The following TUBGCP2 variants were observed in gnomAD, a reference collection of about 807,000 sequenced individuals.
The protein encoded by TUBGCP2 is tubulin gamma complex component 2.
TUBGCP2 carries 55 observed loss-of-function variants against 92.2 expected under a neutral mutation model. The ratio of observed to expected loss-of-function variants is 0.60; its 90% CI spans 0.48 to 0.75. The LOEUF is 0.75. Ranked by LOEUF, TUBGCP2 falls within the 30% of genes least tolerant of loss-of-function variation. The pLI is 0.00. For synonymous variants in TUBGCP2, 533 were observed against 505.2 expected (o/e 1.06, Z -0.74); for missense variants, 1,093 against 1,188.9 (o/e 0.92, Z 1.19).
chr10:133,281,564 T>A, intron 16 of TUBGCP2, 128 bp from the exon 17 acceptor site: 1 of 1,235,760 alleles, frequency 8.1e-7, no homozygotes. Context: ...ATGGGTTCCA[T>A]GATGTTTTCA....
chr10:133,307,260 G>A (rs190217916), intron 1 of TUBGCP2, among the ~76,000 whole-genome samples: 52 of 152,276 alleles, frequency 3.4e-4, no homozygotes, highest in African/African-American at 1.1e-3. Flanking sequence ...AGGGACTGAC[G>A]TCCTCCTCAC....
chr10:133,302,869 C>T lies in TUBGCP2; in HGVS notation c.73G>A (p.Ala25Thr). The T allele has an allele frequency of 6.2e-7, 1 of 1,613,984 alleles. No individual in the cohort carries two copies. Among genetic ancestry groups the T allele is most frequent in the African/African-American group, 1.3e-5 (1 of 75,048 alleles). ...SLLRVHGGDG[A>T]EVYIDLLQKN... The stretch of plus-strand genomic sequence containing the variant: ...TGAAGCAGGTCAATGTAGACCTCAG[C>T]CCCATCTCCTCCGTGGACACGCAGC... Residue 25 changes from alanine (A) to threonine (T), a missense_variant, in exon 2 of 18, where the codon GCT becomes ACT. Ala to Thr is a moderately conservative substitution (Grantham distance 58). Transcript: ENST00000252936.
At position 133,293,068 on chromosome 10, in the gene TUBGCP2, A is replaced by G. The variant is rs1055052616; in HGVS notation, c.995T>C (p.Met332Thr). ...GGAGGCCAGGATGTCCATGGTGCGCATGGCTGGCTGGATGTAGAACCAGAG... is the reference window on the plus strand; with the variant it reads ...GGAGGCCAGGATGTCCATGGTGCGCGTGGCTGGCTGGATGTAGAACCAGAG... ...QKLWFYIQPA[M>T]RTMDILASLA... Residue 332 changes from methionine (M) to threonine (T), a missense_variant, in exon 7 of 18, where the codon ATG (methionine) becomes ACG (threonine). By Grantham distance (81) the Met-to-Thr change is moderately conservative. This residue lies in a region of TUBGCP2 where 490 missense variants were observed against 488.5 expected (regional missense o/e 1.00). Coordinates refer to ENST00000252936, the MANE Select transcript of TUBGCP2 (RefSeq NM_006659.4). 6.8e-6 allele frequency: 11 copies of G among 1,613,440 alleles called. No homozygotes were observed. The highest frequency in any genetic ancestry group is 6.7e-5 in the African/African-American group (5 of 74,916).
upstream of TUBGCP2, chr10:133,310,396 C>T (rs1247687421): frequency 9.3e-6 from 13 of 1,401,098 alleles, no homozygotes; most frequent in East Asian, 2.8e-4. Flanking sequence ...TGTGTGTCAC[C>T]TAATGGGGTG....
intron 1 of TUBGCP2, among the ~76,000 whole-genome samples, chr10:133,305,113 A>G (rs1417761284): frequency 1.3e-5 from 2 of 152,126 alleles, no homozygotes; most frequent in East Asian, 1.9e-4. Flanking sequence ...AGTTATCCGG[A>G]GGCCTGACTG....
intron 1 of TUBGCP2, among the ~76,000 whole-genome samples, chr10:133,305,056 C>T (rs906111068): frequency 2.6e-5 from 4 of 152,098 alleles, no homozygotes; most frequent in South Asian, 2.1e-4. Flanking sequence ...GAAGACTCTA[C>T]GCCTCCAACT....
rs780277694 is a variant in TUBGCP2 at position 133,282,176 on chromosome 10, A to G, written c.2409+47T>C. 43 of 1,609,510 alleles carry G rather than the reference A, an allele frequency of 2.7e-5. No individual in the cohort carries two copies. In the South Asian group the frequency reaches 4.3e-4, roughly 16 times the overall value. On this transcript the variant is annotated intron_variant, in intron 16 of 17. Transcript: ENST00000252936. ...CGTCAGGATGCCCAGGCTGCCGCCC[A>G]GCCGGGAGGAAGCGTCTCTCTCTGG...
At chr10:133,289,356 CT>C (rs1847214080) in intron 9 of TUBGCP2, among the ~76,000 whole-genome samples, 1 of 152,198 alleles carries the variant, frequency 6.6e-6, no homozygotes, top group Admixed American at 6.5e-5. Flanking sequence ...AACCGGATGG[CT>C]AATCGCTTCC....
At chr10:133,292,838 T>G (rs1324870156) in intron 7 of TUBGCP2, 150 bp from the exon 8 acceptor site, 10 of 1,159,420 alleles carry the variant, frequency 8.6e-6, no homozygotes, top group Admixed American at 2.6e-5. Flanking sequence ...AGGTTGTAGT[T>G]GCTGATTTCA....
At chr10:133,289,184 A>C (rs1847210052) in intron 9 of TUBGCP2, among the ~76,000 whole-genome samples, 164 bp from the exon 10 acceptor site, 1 of 152,136 alleles carries the variant, frequency 6.6e-6, no homozygotes, top group South Asian at 2.1e-4. Context: ...AGTGGAATGG[A>C]AACTGGGCTG....
At chr10:133,304,770 C>T (rs1011539058) in intron 1 of TUBGCP2, among the ~76,000 whole-genome samples, 4 of 152,106 alleles carry the variant, frequency 2.6e-5, no homozygotes, top group Admixed American at 1.3e-4. Context: ...TATAATAATC[C>T]TTGCTCTACA....
chr10:133,297,054 C>T (rs1847504512), intron 5 of TUBGCP2, among the ~76,000 whole-genome samples: 1 of 152,156 alleles, frequency 6.6e-6, no homozygotes, highest in South Asian at 2.1e-4. Flanking sequence ...GGGGATGGGG[C>T]AAGATAAGCA....
In TUBGCP2 at chr10:133,308,204, G is replaced by A. The variant is rs1264458015; in HGVS notation, c.-40+619C>T. On this transcript the variant is annotated intron_variant, in intron 1 of 17. Transcript: ENST00000252936. ...GTGTTGTCATTCACCATTTTAATTA[G>A]GTGACTCTTTACTCTGACGTCTGTC... is the stretch of plus-strand genomic sequence containing the variant. Among the ~76,000 whole-genome samples, 5 of 152,122 alleles carry A rather than the reference G, an allele frequency of 3.3e-5. No homozygotes were observed. The South Asian group carries it at 1.0e-3, about 32-fold the overall frequency.
upstream of TUBGCP2, chr10:133,309,842 G>C: frequency 6.2e-7 from 1 of 1,613,788 alleles, no homozygotes; most frequent in African/African-American, 1.3e-5. Flanking sequence ...ACGACTACGA[G>C]CACCACTACC....
At position 133,299,500 on chromosome 10, in the gene TUBGCP2, T is replaced by C. The variant is rs1847580702; in HGVS notation, c.383A>G (p.Lys128Arg). The C allele has an allele frequency of 5.0e-6, 8 of 1,613,422 alleles. No individual in the cohort carries two copies. Among genetic ancestry groups the C allele is most frequent in the Non-Finnish European group, 6.8e-6 (8 of 1,179,972 alleles). Residue 128 changes from lysine (K) to arginine (R), a missense_variant, in exon 4 of 18, where the codon AAG becomes AGG. This residue lies in a region of TUBGCP2 where 490 missense variants were observed against 488.5 expected (regional missense o/e 1.00). Transcript: ENST00000252936. ...TSINVPAAAS[K>R]ISMQELEELR... ...TTCCTCAAGCTCCTGCATGGAGATC[T>C]TGGAGGCCGCGGCAGGGACGTTGAT...
chr10:133,312,213 A>C, upstream of TUBGCP2: 2 of 1,395,862 alleles, frequency 1.4e-6, no homozygotes, highest in Non-Finnish European at 1.9e-6. Context: ...CTGCGTTTCT[A>C]GCGTCACCTG....
Position 133,283,107 on chromosome 10 carries a change from C to G in TUBGCP2, c.2260G>C (p.Val754Leu), listed in dbSNP as rs757444650. The G allele has an allele frequency of 6.2e-7, 1 of 1,614,232 alleles. No homozygotes were observed. Among genetic ancestry groups the G allele is most frequent in the South Asian group, 1.1e-5 (1 of 91,088 alleles). Reference sequence around the variant, plus strand: ...ATGCAGTTGGTGAACATGACGCACACAGACATGAGCTTGGAGAAGACCTTC... The same window carrying G: ...ATGCAGTTGGTGAACATGACGCACAGAGACATGAGCTTGGAGAAGACCTTC... ...LLKVFSKLMS[V>L]CVMFTNCMQK... Residue 754 changes from valine (V) to leucine (L), a missense_variant, in exon 15 of 18, where the codon GTG (valine) becomes CTG (leucine). Physicochemically the swap from Val to Leu is conservative, Grantham distance 32. This residue lies in a region of TUBGCP2 where 598 missense variants were observed against 675.5 expected (regional missense o/e 0.89). Coordinates refer to ENST00000252936, the MANE Select transcript of TUBGCP2 (RefSeq NM_006659.4).
Position 133,299,444 on chromosome 10 carries a change from C to G in TUBGCP2, c.439G>C (p.Gly147Arg). Residue 147 changes from glycine (G) to arginine (R), a missense_variant, in exon 4 of 18, where the codon GGC becomes CGC. Gly to Arg is a moderately radical substitution (Grantham distance 125). This residue lies in a region of TUBGCP2 where 490 missense variants were observed against 488.5 expected (regional missense o/e 1.00). Coordinates refer to ENST00000252936, the MANE Select transcript of TUBGCP2 (RefSeq NM_006659.4). ...LRKQLGSVAT[G>R]STLQQSLELK... ...CGCAGTACCTGCTGCAGCGTGGAGCCTGTGGCCACGCTGCCAAGCTGCTTC... is the reference window on the plus strand; with the variant it reads ...CGCAGTACCTGCTGCAGCGTGGAGCGTGTGGCCACGCTGCCAAGCTGCTTC... 1.2e-6 allele frequency: 2 copies of G among 1,606,354 alleles called. No homozygotes were observed. Among genetic ancestry groups the G allele is most frequent in the South Asian group, 2.2e-5 (2 of 90,876 alleles).
intron 6 of TUBGCP2, 66 bp from the exon 7 acceptor site, chr10:133,293,304 C>T (rs1847409003): frequency 6.4e-7 from 1 of 1,556,446 alleles, no homozygotes; most frequent in Non-Finnish European, 8.8e-7. Context: ...GTCCGATATT[C>T]TGAGTCTCAT....
Sources: gnomAD v4.1 joint callset for allele counts (sites outside exome capture counted in the v4.1 genomes callset) on GRCh38, gnomAD v4.1.1 for gene constraint, gnomAD v4.1.1 regional missense constraint, MANE v1.5 for transcripts, NCBI Gene and HGNC (gene_info 2026-07-23, HGNC 2026-07-21) for gene names.